Variants in CSMD1 observed in about 807,000 individuals in gnomAD.
CSMD1 encodes CUB and Sushi multiple domains 1, also known as CUB and sushi domain-containing protein 1.
In CSMD1, 213 loss-of-function variants were observed where a neutral mutation model predicts 417.5. That is an observed-to-expected ratio of 0.51 (90% CI 0.46 to 0.57). The LOEUF (loss-of-function observed/expected upper bound fraction) is 0.57. Among genes scored for constraint, CSMD1 ranks in the 20% least tolerant of loss-of-function variants. The pLI, the probability that CSMD1 is intolerant of heterozygous loss-of-function variation, is 0.00. For missense variants in CSMD1, 6,923 were observed against 4,529.7 expected, an observed-to-expected ratio of 1.53 and a Z score of -15.17; for synonymous variants, 2,862 against 1,736.8, an observed-to-expected ratio of 1.65 and a Z score of -16.11.
rs1175769235 is a variant in CSMD1, at chr8:4,147,267, C to G, written c.416-115168G>C. On this transcript the variant is annotated intron_variant, in intron 3 of 69. Coordinates refer to ENST00000635120, the MANE Select transcript of CSMD1 (RefSeq NM_033225.6). The stretch of plus-strand genomic sequence containing the variant: ...ACCTCGAATCCTTCAGCGGCTCCTC[C>G]TCACCTGCGTAATTCCATACAAAGT... Among the ~76,000 whole-genome samples the G allele has an allele frequency of 2.6e-5, 4 of 152,122 alleles. No individual in the cohort carries two copies. The South Asian group carries it at 8.3e-4, about 31-fold the overall frequency.
intron 3 of CSMD1, among the ~76,000 whole-genome samples, chr8:4,126,651 C>T (rs1328935523): frequency 2.6e-5 from 4 of 152,168 alleles, no homozygotes; most frequent in Admixed American, 2.0e-4. Flanking sequence ...TGGTTTTCTT[C>T]TATCTCCTTA....
intron 3 of CSMD1, among the ~76,000 whole-genome samples, chr8:4,147,116 A>T (rs1647365): frequency 0.97 from 146,828 of 151,704 alleles, 71,215 homozygotes; most frequent in East Asian, 1. Context: ...TCCCCTCCTG[A>T]CCAATCTCTT....
intron 5 of CSMD1, among the ~76,000 whole-genome samples, chr8:3,822,409 AT>A (rs1563115259): frequency 6.6e-6 from 1 of 152,190 alleles, no homozygotes; most frequent in East Asian, 1.9e-4. Flanking sequence ...AACCTTGGGC[AT>A]TTTTTAGGTT....
At chr8:4,181,439 A>G (rs1487104903) in intron 3 of CSMD1, among the ~76,000 whole-genome samples, 1 of 152,084 alleles carries the variant, frequency 6.6e-6, no homozygotes, top group Non-Finnish European at 1.5e-5. Flanking sequence ...AACATTGGAA[A>G]AAGAACTGTC....
intron 2 of CSMD1, among the ~76,000 whole-genome samples, chr8:4,452,375 G>C (rs768284299): frequency 3.3e-5 from 5 of 152,168 alleles, no homozygotes; most frequent in Non-Finnish European, 7.3e-5. Context: ...ACAATACAAA[G>C]GCGTAGCCTC....
intron 1 of CSMD1, among the ~76,000 whole-genome samples, chr8:4,727,968 A>AT (rs1554459498): frequency 7.0e-6 from 1 of 141,908 alleles, no homozygotes; most frequent in African/African-American, 2.6e-5. Flanking sequence ...ATATATACAA[A>AT]ATATATATGT....
intron 3 of CSMD1, among the ~76,000 whole-genome samples, chr8:4,158,379 A>G (rs1244753956): frequency 6.6e-6 from 1 of 152,138 alleles, no homozygotes; most frequent in Admixed American, 6.5e-5. Context: ...TAATATGAAT[A>G]CAGCCACTAG....
intron 8 of CSMD1, among the ~76,000 whole-genome samples, chr8:3,592,941 A>C (rs1449812647): frequency 1.3e-5 from 2 of 152,188 alleles, no homozygotes; most frequent in Admixed American, 6.5e-5. Flanking sequence ...TGAGTTGCCC[A>C]AACAGCAAAG....
intron 17 of CSMD1, among the ~76,000 whole-genome samples, chr8:3,393,841 G>C (rs1442983297): frequency 4.0e-5 from 6 of 151,310 alleles, no homozygotes; most frequent in African/African-American, 7.3e-5. Context: ...GCCTGTTGTG[G>C]GGTGTGGGGA....
chr8:4,456,562 A>C (rs917779226), intron 2 of CSMD1, among the ~76,000 whole-genome samples: 1 of 152,192 alleles, frequency 6.6e-6, no homozygotes, highest in African/African-American at 2.4e-5. Flanking sequence ...GGTAGAACTG[A>C]AAACAGCCCT....
At chr8:4,565,338 C>G (rs1202934019) in intron 2 of CSMD1, among the ~76,000 whole-genome samples, 1 of 152,164 alleles carries the variant, frequency 6.6e-6, no homozygotes, top group Non-Finnish European at 1.5e-5. Flanking sequence ...ACCAGTCTGC[C>G]TAAAAATGGC....
chr8:4,334,390 C>A (rs537222410), intron 3 of CSMD1, among the ~76,000 whole-genome samples: 1 of 152,112 alleles, frequency 6.6e-6, no homozygotes, highest in Non-Finnish European at 1.5e-5. Flanking sequence ...TTCATTCAAT[C>A]TGAGGGGAAC....
intron 5 of CSMD1, among the ~76,000 whole-genome samples, chr8:3,962,059 C>T (rs542011181): frequency 5.3e-5 from 8 of 152,266 alleles, no homozygotes; most frequent in East Asian, 3.9e-4. Flanking sequence ...AGAAGGTGCA[C>T]GGACCATCAT....
intron 3 of CSMD1, among the ~76,000 whole-genome samples, chr8:4,337,098 G>C (rs377275554): frequency 6.6e-6 from 1 of 151,992 alleles, no homozygotes; most frequent in Non-Finnish European, 1.5e-5. Flanking sequence ...CCAACGTTGC[G>C]GCCACGTACA....
chr8:4,993,781 T>C (rs1454198427), intron 1 of CSMD1, among the ~76,000 whole-genome samples: 5 of 152,058 alleles, frequency 3.3e-5, no homozygotes, highest in African/African-American at 9.6e-5. Context: ...CTGAGGACGT[T>C]GGAGAGGGAA....
chr8:4,826,115 T>G (rs1585166581), intron 1 of CSMD1, among the ~76,000 whole-genome samples: 1 of 152,102 alleles, frequency 6.6e-6, no homozygotes, highest in East Asian at 1.9e-4. Context: ...ACCACATGAT[T>G]CAGAAATGTC....
chr8:4,578,133 C>T (rs1799223967), intron 2 of CSMD1, among the ~76,000 whole-genome samples: 1 of 152,032 alleles, frequency 6.6e-6, no homozygotes, highest in Non-Finnish European at 1.5e-5. Flanking sequence ...CAAAGTCCCC[C>T]ACATCTTACC....
At chr8:4,199,773 G>T (rs1330864391) in intron 3 of CSMD1, among the ~76,000 whole-genome samples, 2 of 152,096 alleles carry the variant, frequency 1.3e-5, no homozygotes, top group African/African-American at 4.8e-5. Flanking sequence ...AAGACTCAAG[G>T]ATAACATGCT....
intron 1 of CSMD1, among the ~76,000 whole-genome samples, chr8:4,810,568 G>A: frequency 6.6e-6 from 1 of 152,224 alleles, no homozygotes; most frequent in South Asian, 2.1e-4. Context: ...TGTGTATGTG[G>A]GGGGTGGTGG....
Sources: gnomAD v4.1 joint callset for allele counts (sites outside exome capture counted in the v4.1 genomes callset) on GRCh38, gnomAD v4.1.1 for gene constraint, MANE v1.5 for transcripts, NCBI Gene and HGNC (gene_info 2026-07-23, HGNC 2026-07-21) for gene names.